The following DNER variants were observed in gnomAD, a reference collection of about 807,000 sequenced individuals.
The protein encoded by DNER is delta/notch like EGF repeat containing, also known as delta and Notch-like epidermal growth factor-related receptor.
In DNER, 33 loss-of-function variants were observed where a neutral mutation model predicts 78.2. The ratio of observed to expected loss-of-function variants is 0.42; its 90% CI spans 0.32 to 0.56. The LOEUF (loss-of-function observed/expected upper bound fraction) is 0.56. DNER is among the 20% of genes least tolerant of loss of function. The pLI is 0.11. For missense variants in DNER, 918 were observed against 975.3 expected (o/e 0.94, Z 0.78); for synonymous variants, 417 against 384.8 (o/e 1.08, Z -0.98).
At chr2:229,499,935 T>C (rs796179295) in intron 6 of DNER, among the ~76,000 whole-genome samples, 15 of 120,034 alleles carry the variant, frequency 1.2e-4, no homozygotes, top group Admixed American at 2.5e-4. Context: ...TTCTTTCTTT[T>C]TTTTTTTTTT....
chr2:229,603,854 T>A (rs547015985), intron 1 of DNER, among the ~76,000 whole-genome samples: 8 of 152,206 alleles, frequency 5.3e-5, no homozygotes, highest in Non-Finnish European at 8.8e-5. Context: ...ATATCTGACA[T>A]ACTCTTTGTT....
intron 4 of DNER, among the ~76,000 whole-genome samples, chr2:229,585,080 C>T (rs1697474041): frequency 6.6e-6 from 1 of 152,114 alleles, no homozygotes; most frequent in Non-Finnish European, 1.5e-5. Context: ...CCAGTTACTT[C>T]TGAGTTGGGG....
intron 9 of DNER, among the ~76,000 whole-genome samples, chr2:229,407,792 G>A (rs1328293200): frequency 6.6e-6 from 1 of 152,224 alleles, no homozygotes; most frequent in African/African-American, 2.4e-5. Context: ...AAGAACTGCA[G>A]GGGAGAGGGG....
intron 1 of DNER, among the ~76,000 whole-genome samples, chr2:229,680,941 T>C (rs7558924): frequency 0.4 from 60,200 of 152,036 alleles, 12,239 homozygotes; most frequent in African/African-American, 0.47. Context: ...TCTGCTTTCA[T>C]GAAGAGGCTA....
At chr2:229,511,969 C>T (rs1223063020) in intron 6 of DNER, among the ~76,000 whole-genome samples, 1 of 152,186 alleles carries the variant, frequency 6.6e-6, no homozygotes, top group Non-Finnish European at 1.5e-5. Context: ...CATTGTTTAA[C>T]CATGCTTGAC....
At chr2:229,697,381 A>G (rs1051135685) in intron 1 of DNER, among the ~76,000 whole-genome samples, 5 of 152,222 alleles carry the variant, frequency 3.3e-5, no homozygotes, top group African/African-American at 1.2e-4. Context: ...TCATGGATAC[A>G]GTGTTTCCTT....
At chr2:229,518,965 T>A (rs894060661) in intron 5 of DNER, among the ~76,000 whole-genome samples, 24 of 151,744 alleles carry the variant, frequency 1.6e-4, no homozygotes, top group Non-Finnish European at 2.6e-4. Flanking sequence ...TTTTTTTTTT[T>A]TTATTTTTGA....
At position 229,527,560 on chromosome 2, in the gene DNER, C is replaced by T. The variant is rs546369598; in HGVS notation, c.994-14624G>A. Among the ~76,000 whole-genome samples the T allele has an allele frequency of 6.6e-5, 10 of 152,296 alleles. No individual in the cohort carries two copies. The South Asian group carries it at 1.2e-3, about 19-fold the overall frequency. The stretch of plus-strand genomic sequence containing the variant: ...ACAGAAATCCAGGCAGCCTGCCAGG[C>T]TGGTGTCTCAAGGAAATTTGGGGTT... On this transcript the variant is annotated intron_variant, in intron 5 of 12. Coordinates refer to ENST00000341772, the MANE Select transcript of DNER (RefSeq NM_139072.4).
In DNER at chr2:229,653,975, T is replaced by C. The variant is rs186799360; in HGVS notation, c.276+60173A>G. On this transcript the variant is annotated intron_variant, in intron 1 of 12. Transcript: ENST00000341772. The stretch of plus-strand genomic sequence containing the variant: ...AAGGTTGTCTTTTTCATTATTATTA[T>C]TATTATTATACTTTAAGTTCTGTGG... 7.7e-4 allele frequency among the ~76,000 whole-genome samples: 118 copies of C among 152,304 alleles called. 1 individual carries two copies. The highest frequency in any genetic ancestry group is 2.7e-3 in the African/African-American group (113 of 41,564).
intron 4 of DNER, among the ~76,000 whole-genome samples, chr2:229,560,034 G>A (rs1696926245): frequency 6.6e-6 from 1 of 152,182 alleles, no homozygotes; most frequent in African/African-American, 2.4e-5. Context: ...ACAACCAAAA[G>A]GGGCTCCAGT....
chr2:229,644,754 C>G (rs572800701), intron 1 of DNER, among the ~76,000 whole-genome samples: 1 of 152,262 alleles, frequency 6.6e-6, no homozygotes, highest in East Asian at 1.9e-4. Context: ...ATGCACCATT[C>G]CTTAGATCAT....
intron 5 of DNER, among the ~76,000 whole-genome samples, chr2:229,513,936 C>T (rs1331020293): frequency 6.8e-6 from 1 of 147,506 alleles, no homozygotes; most frequent in Non-Finnish European, 1.5e-5. Flanking sequence ...TAGAAAGAGA[C>T]TCTCTCCTCT....
intron 1 of DNER, among the ~76,000 whole-genome samples, chr2:229,670,411 G>A (rs555033469): frequency 8.6e-4 from 123 of 142,682 alleles, no homozygotes; most frequent in African/African-American, 3.6e-3. Flanking sequence ...CACACGGTGG[G>A]TAATGAAGAC....
chr2:229,635,626 C>A (rs1445780840), intron 1 of DNER, among the ~76,000 whole-genome samples: 1 of 152,112 alleles, frequency 6.6e-6, no homozygotes, highest in Non-Finnish European at 1.5e-5. Context: ...TTTTTGTGAG[C>A]AGCCTGCACT....
intron 1 of DNER, among the ~76,000 whole-genome samples, chr2:229,600,155 A>G (rs1301080581): frequency 6.6e-6 from 1 of 152,242 alleles, no homozygotes; most frequent in Non-Finnish European, 1.5e-5. Context: ...TTGTTAGTAC[A>G]AATTAGAGGT....
intron 6 of DNER, among the ~76,000 whole-genome samples, chr2:229,488,971 C>T (rs577328195): frequency 8.1e-4 from 124 of 152,270 alleles, no homozygotes; most frequent in Admixed American, 9.8e-4. Flanking sequence ...TCTTCACAGT[C>T]ATTGGATTGT....
chr2:229,627,879 A>G (rs72993219), intron 1 of DNER, among the ~76,000 whole-genome samples: 3,156 of 152,296 alleles, frequency 0.021, 44 homozygotes, highest in Middle Eastern at 0.034. Context: ...TGCAGTGGTG[A>G]GAGGCAGCAG....
chr2:229,671,645 C>T (rs1030690547), intron 1 of DNER, among the ~76,000 whole-genome samples: 2 of 152,164 alleles, frequency 1.3e-5, no homozygotes, highest in African/African-American at 4.8e-5. Context: ...TAAATATGGG[C>T]TGAATTAATT....
At chr2:229,663,334 T>C (rs1012979086) in intron 1 of DNER, among the ~76,000 whole-genome samples, 11 of 152,192 alleles carry the variant, frequency 7.2e-5, no homozygotes, top group African/African-American at 2.4e-4. Flanking sequence ...CAAAATGTAC[T>C]GACATCACTC....
Sources: gnomAD v4.1 joint callset for allele counts (sites outside exome capture counted in the v4.1 genomes callset) on GRCh38, gnomAD v4.1.1 for gene constraint, MANE v1.5 for transcripts, NCBI Gene and HGNC (gene_info 2026-07-23, HGNC 2026-07-21) for gene names.